Variants in PSMD14 observed in about 807,000 individuals in gnomAD.
PSMD14 encodes the protein proteasome 26S subunit, non-ATPase 14.
PSMD14 carries 7 observed loss-of-function variants against 41.2 expected under a neutral mutation model. The observed-to-expected ratio is 0.17, with a 90% confidence interval of 0.10 to 0.32. The LOEUF (loss-of-function observed/expected upper bound fraction) is 0.32. Ranked by LOEUF, PSMD14 falls within the 10% of genes least tolerant of loss-of-function variation. The pLI, the probability that PSMD14 is intolerant of heterozygous loss-of-function variation, is 1.00. For missense variants in PSMD14, 139 were observed against 375.6 expected, an observed-to-expected ratio of 0.37 and a Z score of 5.21; for synonymous variants, 114 against 122.3, an observed-to-expected ratio of 0.93 and a Z score of 0.45.
At chr2:161,340,868 G>C (rs1003024161) in intron 3 of PSMD14, 4 of 1,613,702 alleles carry the variant, frequency 2.5e-6, no homozygotes, top group Admixed American at 1.7e-5. Flanking sequence ...TCATCTTCTC[G>C]TACTGGTTTC....
intron 3 of PSMD14, among the ~76,000 whole-genome samples, chr2:161,349,082 C>T (rs745307744): frequency 2.1e-4 from 32 of 152,234 alleles, no homozygotes; most frequent in African/African-American, 6.5e-4. Context: ...TTGCTCAGTC[C>T]GCTGCCGAAT....
At chr2:161,373,846 T>G (rs1683471303) in intron 7 of PSMD14, among the ~76,000 whole-genome samples, 1 of 151,988 alleles carries the variant, frequency 6.6e-6, no homozygotes, top group Non-Finnish European at 1.5e-5. Context: ...AGTTTGATTT[T>G]CTTTTATGAT....
intron 3 of PSMD14, chr2:161,341,115 G>A (rs1217063232): frequency 3.7e-6 from 5 of 1,344,412 alleles, no homozygotes; most frequent in African/African-American, 1.6e-5. Context: ...AGGCTCCTCC[G>A]GCCCCGCGGG....
intron 7 of PSMD14, chr2:161,384,058 G>A (rs962615415): frequency 6.6e-6 from 1 of 151,644 alleles, no homozygotes; most frequent in Admixed American, 6.6e-5. Context: ...GTTAAGTGTG[G>A]ATTAAGGTTA....
At chr2:161,410,669 A>T (rs1574146303) in intron 11 of PSMD14, among the ~76,000 whole-genome samples, 1 of 152,020 alleles carries the variant, frequency 6.6e-6, no homozygotes, top group African/African-American at 2.4e-5. Context: ...GCTATGATAC[A>T]TTTTTTTCAA....
intron 10 of PSMD14, among the ~76,000 whole-genome samples, chr2:161,401,585 A>C (rs899989282): frequency 2.0e-5 from 3 of 152,180 alleles, no homozygotes; most frequent in Non-Finnish European, 4.4e-5. Context: ...CTGCCATAGA[A>C]ATTTTTTCCA....
intron 5 of PSMD14, among the ~76,000 whole-genome samples, chr2:161,368,320 A>G (rs1332956246): frequency 1.3e-5 from 2 of 152,108 alleles, no homozygotes; most frequent in East Asian, 3.8e-4. Context: ...ATGTCATTTA[A>G]AAAATGTTCT....
At chr2:161,338,347 T>G (rs1399626472) in intron 3 of PSMD14, among the ~76,000 whole-genome samples, 1 of 151,838 alleles carries the variant, frequency 6.6e-6, no homozygotes, top group African/African-American at 2.4e-5. Context: ...GAGAGTTTTT[T>G]TTTTTTTTTT....
intron 3 of PSMD14, among the ~76,000 whole-genome samples, chr2:161,336,814 G>A (rs62197081): frequency 0.16 from 23,773 of 152,110 alleles, 2,242 homozygotes; most frequent in East Asian, 0.3. Flanking sequence ...GGCCTCAGGT[G>A]ATCCACTGCC....
chr2:161,400,269 G>A (rs1420203997), intron 10 of PSMD14, among the ~76,000 whole-genome samples: 5 of 151,922 alleles, frequency 3.3e-5, no homozygotes, highest in Non-Finnish European at 5.9e-5. Context: ...CTTCCTTTAG[G>A]TCACCTCATG....
At chr2:161,329,909 C>G (rs1479045484) in intron 3 of PSMD14, among the ~76,000 whole-genome samples, 3 of 152,008 alleles carry the variant, frequency 2.0e-5, no homozygotes, top group Non-Finnish European at 4.4e-5. Flanking sequence ...ATAGGGTGTT[C>G]CTGAGAGGCC....
intron 3 of PSMD14, among the ~76,000 whole-genome samples, chr2:161,327,423 A>G (rs1179575853): frequency 1.3e-5 from 2 of 152,172 alleles, no homozygotes; most frequent in Non-Finnish European, 2.9e-5. Flanking sequence ...CAGTTACCGT[A>G]TCTTTAAAAT....
At chr2:161,362,347 C>G (rs569212581) in intron 3 of PSMD14, among the ~76,000 whole-genome samples, 45 of 152,306 alleles carry the variant, frequency 3.0e-4, no homozygotes, top group African/African-American at 1.0e-3. Context: ...TCCCTCCTGC[C>G]TATATAGTTA....
At chr2:161,397,761 T>G (rs1172654338) in intron 10 of PSMD14, among the ~76,000 whole-genome samples, 1 of 152,144 alleles carries the variant, frequency 6.6e-6, no homozygotes, top group African/African-American at 2.4e-5. Context: ...AGAATTAGGG[T>G]TGGCTTTGAA....
At chr2:161,401,167 C>G (rs1234341652) in intron 10 of PSMD14, among the ~76,000 whole-genome samples, 2 of 152,192 alleles carry the variant, frequency 1.3e-5, no homozygotes, top group Non-Finnish European at 2.9e-5. Flanking sequence ...TTTCTTTTCC[C>G]TACACCTTTC....
chr2:161,351,303 A>G (rs539364819), intron 3 of PSMD14, among the ~76,000 whole-genome samples: 1 of 152,284 alleles, frequency 6.6e-6, no homozygotes, highest in Admixed American at 6.5e-5. Context: ...GGGCAGAAAG[A>G]AGGTTGCAGA....
chr2:161,383,306 A>G (rs1244486042), intron 7 of PSMD14: 2 of 152,160 alleles, frequency 1.3e-5, no homozygotes, highest in East Asian at 1.9e-4. Context: ...GACAGTTGCT[A>G]TAGTGATGGC....
At chr2:161,378,967 C>T (rs1683538772) in intron 7 of PSMD14, among the ~76,000 whole-genome samples, 1 of 151,966 alleles carries the variant, frequency 6.6e-6, no homozygotes, top group South Asian at 2.1e-4. Context: ...TATTGAGAGA[C>T]AGTAGTCCAG....
At chr2:161,384,786 T>C (rs1383158792) in intron 7 of PSMD14, 1 of 151,866 alleles carries the variant, frequency 6.6e-6, no homozygotes, top group East Asian at 1.9e-4. Context: ...AAGAATATAC[T>C]TATTGTAATA....
Sources: allele counts gnomAD v4.1 joint callset (sites outside exome capture counted in the v4.1 genomes callset), GRCh38; gene constraint gnomAD v4.1.1; transcripts MANE v1.5; gene names NCBI Gene and HGNC (gene_info 2026-07-23, HGNC 2026-07-21).